ADARB2: variants seen among roughly 807,000 people sequenced by gnomAD.
ADARB2 encodes adenosine deaminase RNA specific B2 (inactive), also known as inactive double-stranded RNA-specific editase B2.
Under a neutral mutation model 62.2 loss-of-function variants are expected in ADARB2, and 25 were observed. The observed-to-expected ratio is 0.40, with a 90% CI of 0.29 to 0.56. ADARB2 has a LOEUF of 0.56. Among genes scored for constraint, ADARB2 ranks in the 20% least tolerant of loss-of-function variants. The pLI is 0.43. For missense variants in ADARB2, 1,071 were observed against 1,077.4 expected, an observed-to-expected ratio of 0.99 and a Z score of 0.08; for synonymous variants, 572 against 500.8, an observed-to-expected ratio of 1.14 and a Z score of -1.90.
chr10:1,492,362 G>A (rs368181641), intron 1 of ADARB2, among the ~76,000 whole-genome samples: 2 of 152,158 alleles, frequency 1.3e-5, no homozygotes, highest in Non-Finnish European at 1.5e-5. Flanking sequence ...ACCCCACTGC[G>A]GTAGAGTGGG....
intron 4 of ADARB2, 51 bp downstream of exon 4, chr10:1,270,904 G>A (rs75036478): frequency 0.018 from 27,481 of 1,517,360 alleles, 340 homozygotes; most frequent in African/African-American, 0.041. Flanking sequence ...AGATGCTAAT[G>A]CTCCTTTCTT....
At chr10:1,535,309 G>GA (rs1832315479) in intron 1 of ADARB2, among the ~76,000 whole-genome samples, 1 of 152,116 alleles carries the variant, frequency 6.6e-6, no homozygotes, top group South Asian at 2.1e-4. Context: ...ATCTTCAGAC[G>GA]AGAGTCAGTC....
chr10:1,626,753 C>T lies in ADARB2; in HGVS notation c.100+110298G>A, dbSNP rs1036120998. ...GTCGCTCACCACCTGTTAACAGCCA[C>T]GCACAAAGCAACCCGCACGGTCTGA... On this transcript the variant is annotated intron_variant, in intron 1 of 9. Coordinates refer to ENST00000381312, the MANE Select transcript of ADARB2 (RefSeq NM_018702.4). Among the ~76,000 whole-genome samples the T allele has an allele frequency of 7.2e-5, 11 of 152,332 alleles. No homozygotes were observed. The East Asian group carries it at 9.6e-4, about 13-fold the overall frequency.
rs569881130 is a variant in ADARB2, at chr10:1,259,685, G to A, written c.1192+11270C>T. Among the ~76,000 whole-genome samples, 85 of 152,248 alleles carry A rather than the reference G, an allele frequency of 5.6e-4. No individual in the cohort carries two copies. In the East Asian group the frequency reaches 0.015, roughly 28 times the overall value. On this transcript the variant is annotated intron_variant, in intron 4 of 9. Transcript: ENST00000381312. ...AGCTTACCAACCAAAAAAAGTCCAG[G>A]ACCAGATGGATTCACAGCCGAATTC... is the stretch of plus-strand genomic sequence containing the variant.
rs142461830 is a variant in ADARB2, at chr10:1,587,469, T to C, written c.100+149582A>G. ...TTCAGCAGGGTGTATGATCATGGTG[T>C]AGGTTCGGTTTCAGACAGAAGAAGG... On this transcript the variant is annotated intron_variant, in intron 1 of 9. Coordinates refer to ENST00000381312, the MANE Select transcript of ADARB2 (RefSeq NM_018702.4). 2.6e-5 allele frequency among the ~76,000 whole-genome samples: 4 copies of C among 152,254 alleles called. No individual in the cohort carries two copies. In the East Asian group the frequency reaches 7.7e-4, roughly 29 times the overall value.
rs1588297194 is a variant in ADARB2, at chr10:1,547,424, A to G, written c.101-168264T>C. 9.2e-5 allele frequency among the ~76,000 whole-genome samples: 3 copies of G among 32,638 alleles called. No individual in the cohort carries two copies. In the Admixed American group the frequency reaches 1.3e-3, roughly 14 times the overall value. 21.4% of individuals were successfully genotyped at this position (32,638 alleles called of 152,430 possible). A position where few individuals can be genotyped will look rare whatever the true frequency, so the allele number is the denominator to read the frequency against. ...CTGCACTGGCGTATGCACTATGGGG[A>G]GGGGGAGAGAGGCTGTGCAAGTCTA... On this transcript the variant is annotated intron_variant, in intron 1 of 9. Transcript: ENST00000381312.
intron 1 of ADARB2, among the ~76,000 whole-genome samples, chr10:1,677,077 T>A (rs1834475637): frequency 6.6e-6 from 1 of 152,238 alleles, no homozygotes; most frequent in Non-Finnish European, 1.5e-5. Context: ...GGAGCAAGGC[T>A]CAGGGCCTGA....
In ADARB2 at chr10:1,232,893, GGT is replaced by G. The variant is rs150419230; in HGVS notation, c.1513+799_1513+800del. 8.4e-3 allele frequency among the ~76,000 whole-genome samples: 1,265 copies of G among 151,240 alleles called. 9 individuals are homozygous for G. Among genetic ancestry groups the G allele is most frequent in the Non-Finnish European group, 0.013 (896 of 67,678 alleles). On this transcript the variant is annotated intron_variant, in intron 6 of 9. Coordinates refer to ENST00000381312, the MANE Select transcript of ADARB2 (RefSeq NM_018702.4). ...TGTGGTGTGTGTGTTGTATGTGTGT[GGT>G]GTGTGTGGTATACATGTGTGGTATA... is the stretch of plus-strand genomic sequence containing the variant.
At chr10:1,285,765 A>G (rs1334866303) in intron 3 of ADARB2, among the ~76,000 whole-genome samples, 1 of 152,208 alleles carries the variant, frequency 6.6e-6, no homozygotes, top group Non-Finnish European at 1.5e-5. Flanking sequence ...CAAGACTCAA[A>G]CTTTACTCAT....
chr10:1,713,917 G>T (rs1386272779), intron 1 of ADARB2, among the ~76,000 whole-genome samples: 2 of 152,200 alleles, frequency 1.3e-5, no homozygotes, highest in African/African-American at 4.8e-5. Flanking sequence ...AGATGCCTGG[G>T]GACCCAGTGG....
chr10:1,732,325 A>AC (rs1364572163), intron 1 of ADARB2, among the ~76,000 whole-genome samples: 14 of 122,862 alleles, frequency 1.1e-4, no homozygotes, highest in African/African-American at 2.7e-4. Flanking sequence ...AAAAAAAAAA[A>AC]AAAAATTTCC....
intron 3 of ADARB2, among the ~76,000 whole-genome samples, chr10:1,351,299 T>C (rs1166603017): frequency 6.6e-6 from 1 of 152,118 alleles, no homozygotes; most frequent in Admixed American, 6.5e-5. Context: ...GGAAGGTAAG[T>C]CCGTCCCCTT....
chr10:1,284,907 G>A (rs1363794603), intron 3 of ADARB2, among the ~76,000 whole-genome samples: 1 of 152,112 alleles, frequency 6.6e-6, no homozygotes, highest in Non-Finnish European at 1.5e-5. Flanking sequence ...AGTCCTTGAG[G>A]GGTGACTTCC....
At chr10:1,240,182 GC>G (rs1830897834) in intron 5 of ADARB2, among the ~76,000 whole-genome samples, 2 of 10,604 alleles carry the variant, frequency 1.9e-4, no homozygotes, top group African/African-American at 8.3e-4. Flanking sequence ...ACTCCCCTCT[GC>G]CTCCCGGTGT....
chr10:1,457,462 C>T (rs560181293), intron 1 of ADARB2, among the ~76,000 whole-genome samples: 19 of 152,184 alleles, frequency 1.2e-4, no homozygotes, highest in Admixed American at 3.3e-4. Context: ...ACCCCATTAA[C>T]CCACACACAT....
At chr10:1,332,774 A>G (rs1001095402) in intron 3 of ADARB2, among the ~76,000 whole-genome samples, 4 of 152,226 alleles carry the variant, frequency 2.6e-5, no homozygotes, top group African/African-American at 4.8e-5. Context: ...CAGATGAGAT[A>G]TATCAATTTA....
chr10:1,534,481 G>A (rs986021975), intron 1 of ADARB2: 17 of 152,382 alleles, frequency 1.1e-4, no homozygotes, highest in African/African-American at 2.6e-4. Flanking sequence ...GGAGGCTTTC[G>A]GCGTTTCCGC....
At chr10:1,395,316 G>A (rs1003662992) in intron 1 of ADARB2, among the ~76,000 whole-genome samples, 10 of 152,204 alleles carry the variant, frequency 6.6e-5, no homozygotes, top group African/African-American at 1.7e-4. Context: ...GTGAGTGGGT[G>A]AGCCAGGGAC....
At position 1,567,699 on chromosome 10, in the gene ADARB2, C is replaced by T. The variant is rs192391626; in HGVS notation, c.100+169352G>A. 1.3e-4 allele frequency among the ~76,000 whole-genome samples: 20 copies of T among 152,318 alleles called. No individual in the cohort carries two copies. In the East Asian group the frequency reaches 3.3e-3, roughly 25 times the overall value. ...TGCTGACTTCGAGGCTGCTGATGCTCGATGTCTTGGAGGCAGACCTTCTTT... is the reference window on the plus strand; with the variant it reads ...TGCTGACTTCGAGGCTGCTGATGCTTGATGTCTTGGAGGCAGACCTTCTTT... On this transcript the variant is annotated intron_variant, in intron 1 of 9. Coordinates refer to ENST00000381312, the MANE Select transcript of ADARB2 (RefSeq NM_018702.4).
Sources: gnomAD v4.1 joint callset for allele counts (sites outside exome capture counted in the v4.1 genomes callset) on GRCh38, gnomAD v4.1.1 for gene constraint, MANE v1.5 for transcripts, NCBI Gene and HGNC (gene_info 2026-07-23, HGNC 2026-07-21) for gene names.